F11R: variants seen among roughly 807,000 people sequenced by gnomAD.
F11R encodes F11 receptor.
In F11R, 27 loss-of-function variants were observed where a neutral mutation model predicts 39.3. The observed-to-expected ratio is 0.69, with a 90% CI of 0.51 to 0.95. F11R has a LOEUF of 0.95. Ranked by LOEUF, F11R falls within the 40% of genes least tolerant of loss-of-function variation. F11R has a pLI of 0.00. For missense variants in F11R, 335 were observed against 372.7 expected (o/e 0.90, Z 0.83); for synonymous variants, 131 against 144.9 (o/e 0.90, Z 0.69).
At chr1:161,000,878 C>T in intron 3 of F11R, 101 bp from the exon 4 acceptor site, 1 of 1,525,592 alleles carries the variant, frequency 6.6e-7, no homozygotes. Flanking sequence ...TCCTCTTCCC[C>T]CAGAAAGGGG....
chr1:161,015,407 A>AAATATAT (rs571469825), intron 1 of F11R, among the ~76,000 whole-genome samples: 29 of 136,168 alleles, frequency 2.1e-4, no homozygotes, highest in African/African-American at 6.8e-4. Context: ...CAAAAAAAAA[A>AAATATAT]ATATATATAT....
chr1:161,007,815 CTCCCCTG>C (rs1367567978), intron 1 of F11R, among the ~76,000 whole-genome samples: 8 of 152,314 alleles, frequency 5.3e-5, no homozygotes, highest in African/African-American at 1.9e-4. Flanking sequence ...CAAACCATAT[CTCCCCTG>C]TCATTGCAGC....
rs577190931 is a variant in F11R at position 161,007,591 on chromosome 1, C to T, written c.65-6238G>A. Among the ~76,000 whole-genome samples, 4 of 152,262 alleles carry T rather than the reference C, an allele frequency of 2.6e-5. No homozygotes were observed. The East Asian group carries it at 5.8e-4, about 22-fold the overall frequency. On this transcript the variant is annotated intron_variant, in intron 1 of 9. Coordinates refer to ENST00000368026, the MANE Select transcript of F11R (RefSeq NM_016946.6). ...AAAATGGGGATAATAACAGTTTCTA[C>T]ATCAAAGGGCTGTTCTGAAGGCTAA...
chr1:161,000,885 G>C, intron 3 of F11R, 108 bp from the exon 4 acceptor site: 5 of 1,507,102 alleles, frequency 3.3e-6, no homozygotes, highest in East Asian at 2.3e-5. Flanking sequence ...CCCCCAGAAA[G>C]GGGGGTAGGA....
Position 161,009,732 on chromosome 1 carries a change from CCGATGTGGGT to C in F11R, c.65-8389_65-8380del, listed in dbSNP as rs1330958431. Among the ~76,000 whole-genome samples, 56 of 152,038 alleles carry C rather than the reference CCGATGTGGGT, an allele frequency of 3.7e-4. No homozygotes were observed. In the East Asian group the frequency reaches 0.011, roughly 29 times the overall value. On this transcript the variant is annotated intron_variant, in intron 1 of 9. Transcript: ENST00000368026. ...CCTATAATCCCAGCACTTTGGGAGG[CCGATGTGGGT>C]GGATTGCTTGAGGTCAGAAGTTTAA...
Position 160,998,765 on chromosome 1 carries a change from G to T in F11R, c.*106C>A. 9.0e-7 allele frequency: 1 copy of T among 1,112,526 alleles called. No individual in the cohort carries two copies. The highest frequency in any genetic ancestry group is 1.5e-5 in the African/African-American group (1 of 65,106). The allele number at this position is 1,112,526 out of a possible 1,614,324, so 68.9% of individuals were successfully genotyped here. A position where few individuals can be genotyped will look rare whatever the true frequency, so the allele number is the denominator to read the frequency against. On this transcript the variant is annotated 3_prime_UTR_variant, in exon 10 of 10. Transcript: ENST00000368026. ...GAAGAAGTAGGGGGCCCTGTGGGGT[G>T]TAGAAGACAAATAAGGCATCCTGTG...
intron 1 of F11R, among the ~76,000 whole-genome samples, chr1:161,008,270 C>T (rs1057194240): frequency 1.5e-4 from 23 of 152,036 alleles, no homozygotes; most frequent in African/African-American, 2.7e-4. Context: ...CTGAGGCAGG[C>T]GGATCTCGAG....
In F11R at chr1:160,998,889, G is replaced by C. The variant is rs1164934955; in HGVS notation, c.882C>G (p.Thr294=). 6.2e-7 allele frequency: 1 copy of C among 1,614,132 alleles called. No individual in the cohort carries two copies. The highest frequency in any genetic ancestry group is 2.2e-5 in the East Asian group (1 of 44,892). The change falls in exon 10 of 10, where the codon ACC becomes ACG. Residue 294 remains threonine, a synonymous_variant. Transcript: ENST00000368026. ...ACCAGGCTCACACCAGGAATGACGA[G>C]GTCTGTTTGAATTCTCCCTGCAGAA... The part of the protein sequence containing the change: ...SARSEGEFKQ[T]SSFLV
At chr1:161,004,471 C>T (rs1226118442) in intron 1 of F11R, among the ~76,000 whole-genome samples, 3 of 151,730 alleles carry the variant, frequency 2.0e-5, no homozygotes, top group East Asian at 1.9e-4. Context: ...CACTTGAACC[C>T]GGGAGGCAGA....
intron 1 of F11R, among the ~76,000 whole-genome samples, chr1:161,008,395 C>T (rs1465477492): frequency 6.6e-6 from 1 of 151,820 alleles, no homozygotes; most frequent in Non-Finnish European, 1.5e-5. Flanking sequence ...CCAGCTACTC[C>T]GGAGGCTGAA....
intron 1 of F11R, among the ~76,000 whole-genome samples, chr1:161,018,343 A>G (rs1016356658): frequency 3.9e-5 from 6 of 152,168 alleles, no homozygotes; most frequent in South Asian, 2.1e-4. Context: ...GGGAGAACAT[A>G]TGGGCAACCT....
chr1:160,998,760 G>A lies in F11R; in HGVS notation c.*111C>T. On this transcript the variant is annotated 3_prime_UTR_variant, in exon 10 of 10. Transcript: ENST00000368026. ...CATCCGAAGAAGTAGGGGGCCCTGT[G>A]GGGTGTAGAAGACAAATAAGGCATC... 9.7e-7 allele frequency: 1 copy of A among 1,026,074 alleles called. No individual in the cohort carries two copies. The highest frequency in any genetic ancestry group is 1.9e-5 in the Admixed American group (1 of 51,666). 63.6% of individuals were successfully genotyped at this position (1,026,074 alleles called of 1,614,324 possible). A position where few individuals can be genotyped will look rare whatever the true frequency, so the allele number is the denominator to read the frequency against.
At chr1:161,010,442 A>AAAAAACAAAAAAAAC (rs1649082035) in intron 1 of F11R, among the ~76,000 whole-genome samples, 2 of 21,274 alleles carry the variant, frequency 9.4e-5, no homozygotes, top group African/African-American at 2.1e-4. Flanking sequence ...AGACTCCATC[A>AAAAAACAAAAAAAAC]AAAAAAAAAA....
At chr1:161,013,520 C>G (rs1163950660) in intron 1 of F11R, among the ~76,000 whole-genome samples, 1 of 152,210 alleles carries the variant, frequency 6.6e-6, no homozygotes, top group Admixed American at 6.5e-5. Context: ...TGAAGTAACT[C>G]CCATAAGGGT....
chr1:161,011,597 G>C (rs762130580), intron 1 of F11R, among the ~76,000 whole-genome samples: 5 of 152,040 alleles, frequency 3.3e-5, no homozygotes, highest in Non-Finnish European at 7.3e-5. Context: ...CAGGCGTAGT[G>C]GTGGGCACCT....
chr1:160,999,247 G>A, intron 8 of F11R, 149 bp downstream of exon 8: 1 of 1,422,694 alleles, frequency 7.0e-7, no homozygotes, highest in Non-Finnish European at 9.9e-7. Flanking sequence ...CAGGGCCAAG[G>A]CCACAGAGAA....
chr1:161,018,326 AAG>A (rs1649574797), intron 1 of F11R, among the ~76,000 whole-genome samples: 1 of 152,190 alleles, frequency 6.6e-6, no homozygotes, highest in Non-Finnish European at 1.5e-5. Flanking sequence ...GCCCACAATG[AAG>A]AACAGGGAGA....
rs1648211530 is a variant in F11R at position 160,997,741 on chromosome 1, A to G, written c.*1130T>C. The G allele has an allele frequency of 6.5e-6, 1 of 152,848 alleles. No individual in the cohort carries two copies. The highest frequency in any genetic ancestry group is 2.4e-5 in the African/African-American group (1 of 41,466). The allele number at this position is 152,848 out of a possible 1,614,324, so 9.5% of individuals were successfully genotyped here. A position where few individuals can be genotyped will look rare whatever the true frequency, so the allele number is the denominator to read the frequency against. ...ATTTCCAGCAACATTCAGCTGATAC[A>G]AACACATAGAAATACAATCTCACCA... On this transcript the variant is annotated 3_prime_UTR_variant, in exon 10 of 10. Coordinates refer to ENST00000368026, the MANE Select transcript of F11R (RefSeq NM_016946.6).
chr1:161,012,572 T>C (rs552488804), intron 1 of F11R, among the ~76,000 whole-genome samples: 6 of 151,326 alleles, frequency 4.0e-5, no homozygotes, highest in Non-Finnish European at 5.9e-5. Flanking sequence ...TTTCCTTGAG[T>C]TGCTTTTGTG....
Sources: gnomAD v4.1 joint callset for allele counts (sites outside exome capture counted in the v4.1 genomes callset) on GRCh38, gnomAD v4.1.1 for gene constraint, MANE v1.5 for transcripts, NCBI Gene and HGNC (gene_info 2026-07-23, HGNC 2026-07-21) for gene names.